MAST4: variants seen among roughly 807,000 people sequenced by gnomAD.
MAST4 encodes the protein microtubule associated serine/threonine kinase family member 4.
A neutral mutation model predicts 162.7 loss-of-function variants in MAST4; 89 were observed. The ratio of observed to expected loss-of-function variants is 0.55; its 90% CI spans 0.46 to 0.65. The LOEUF is 0.65. Among genes scored for constraint, MAST4 ranks in the 30% least tolerant of loss-of-function variants. The pLI is 0.00. For synonymous variants in MAST4, 1,479 were observed against 1,361.1 expected (o/e 1.09, Z -1.91); for missense variants, 3,153 against 3,374.0 (o/e 0.93, Z 1.62).
chr5:66,617,997 A>G (rs564393230), intron 1 of MAST4, among the ~76,000 whole-genome samples: 2 of 148,564 alleles, frequency 1.3e-5, no homozygotes, highest in Non-Finnish European at 3.0e-5. Flanking sequence ...GAGCTTTGAC[A>G]TCGTCTACAC....
intron 1 of MAST4, among the ~76,000 whole-genome samples, chr5:66,673,942 T>A (rs1357425266): frequency 6.6e-6 from 1 of 152,240 alleles, no homozygotes; most frequent in Non-Finnish European, 1.5e-5. Flanking sequence ...ATTTTTATGT[T>A]AGTTAAAAAT....
intron 4 of MAST4, among the ~76,000 whole-genome samples, chr5:67,044,605 C>G (rs1757148479): frequency 6.6e-6 from 1 of 152,132 alleles, no homozygotes; most frequent in Non-Finnish European, 1.5e-5. Flanking sequence ...ATCTCAAACT[C>G]TTAGGATCAA....
intron 4 of MAST4, among the ~76,000 whole-genome samples, chr5:67,009,601 G>C (rs916089598): frequency 1.3e-5 from 2 of 152,216 alleles, no homozygotes; most frequent in Non-Finnish European, 2.9e-5. Context: ...TGTGTAAAAT[G>C]CTTAATGAAA....
chr5:67,152,771 A>T lies in MAST4; in HGVS notation c.3430A>T (p.Ile1144Phe). The T allele has an allele frequency of 6.2e-7, 1 of 1,614,018 alleles. No individual in the cohort carries two copies. The highest frequency in any genetic ancestry group is 8.5e-7 in the Non-Finnish European group (1 of 1,179,882). ...TGCCAGTCCACATCAGCCGATTGTG[A>T]TCCACAGTTCGGGGAAGAACTACGG... ...ASASPHQPIV[I>F]HSSGKNYGFT... The change falls in exon 25 of 29, where the codon ATC (isoleucine) becomes TTC (phenylalanine). Residue 1144 changes from isoleucine to phenylalanine, a missense_variant. Physicochemically the swap from Ile to Phe is conservative, Grantham distance 21. Transcript: ENST00000403625.
chr5:66,942,638 T>C (rs537394884), intron 4 of MAST4, among the ~76,000 whole-genome samples: 20 of 152,262 alleles, frequency 1.3e-4, no homozygotes, highest in Non-Finnish European at 2.5e-4. Flanking sequence ...GATCTAAAGC[T>C]GTTTGATTAT....
Position 67,161,595 on chromosome 5 carries a change from A to G in MAST4, c.3785+1003A>G, listed in dbSNP as rs1237739252. Among the ~76,000 whole-genome samples the G allele has an allele frequency of 2.0e-5, 3 of 152,360 alleles. No homozygotes were observed. In the East Asian group the frequency reaches 5.8e-4, roughly 29 times the overall value. ...AAAAAATAGCAGTGTACAAACATTT[A>G]GCAATATGTAGACAAATGGGAGAAG... On this transcript the variant is annotated intron_variant, in intron 27 of 28. Coordinates refer to ENST00000403625, the MANE Select transcript of MAST4 (RefSeq NM_001164664.2).
chr5:66,605,551 A>G (rs1742829211), intron 1 of MAST4, among the ~76,000 whole-genome samples: 2 of 152,210 alleles, frequency 1.3e-5, no homozygotes, highest in South Asian at 2.1e-4. Context: ...TGTTCAAAAT[A>G]CTACATTGGT....
In MAST4 at chr5:67,054,436, G is replaced by A; in HGVS notation, c.707G>A (p.Gly236Asp). 1.2e-6 allele frequency: 2 copies of A among 1,609,604 alleles called. No homozygotes were observed. Among genetic ancestry groups the A allele is most frequent in the Non-Finnish European group, 1.7e-6 (2 of 1,178,038 alleles). Residue 236 changes from glycine to aspartate, a missense_variant, in exon 5 of 29, where the codon GGC becomes GAC. This residue lies in a region of MAST4 where 327 missense variants were observed against 336.5 expected (regional missense o/e 0.97). Coordinates refer to ENST00000403625, the MANE Select transcript of MAST4 (RefSeq NM_001164664.2). ...CRTSNRKSLI[G>D]NGQSPALPRP... is the part of the protein sequence containing the mutation. Reference sequence around the variant, plus strand: ...ACAAGCAACCGGAAAAGCTTAATAGGCAATGGGCAGTCACCAGCATTGCCT... The same window carrying A: ...ACAAGCAACCGGAAAAGCTTAATAGACAATGGGCAGTCACCAGCATTGCCT...
In MAST4 at chr5:66,676,133, C is replaced by T. The variant is rs1478971036; in HGVS notation, c.363+79115C>T. Among the ~76,000 whole-genome samples, 3 of 152,262 alleles carry T rather than the reference C, an allele frequency of 2.0e-5. No homozygotes were observed. The East Asian group carries it at 5.8e-4, about 29-fold the overall frequency. The stretch of plus-strand genomic sequence containing the variant: ...AGTGGATATAAAAGTTTGGCATGTG[C>T]AGGGCAATTAAAACAGTGAGTTGTT... On this transcript the variant is annotated intron_variant, in intron 1 of 28. Coordinates refer to ENST00000403625, the MANE Select transcript of MAST4 (RefSeq NM_001164664.2).
intron 5 of MAST4, among the ~76,000 whole-genome samples, chr5:67,062,215 C>T (rs763064885): frequency 2.4e-4 from 36 of 152,280 alleles, no homozygotes; most frequent in South Asian, 2.3e-3. Flanking sequence ...TCCTGGCCAA[C>T]ATGGTGAAAC....
At position 67,165,569 on chromosome 5, in the gene MAST4, C is replaced by T; in HGVS notation, c.6390C>T (p.Pro2130=). The T allele has an allele frequency of 1.9e-6, 3 of 1,613,932 alleles. No homozygotes were observed. The highest frequency in any genetic ancestry group is 2.5e-6 in the Non-Finnish European group (3 of 1,179,856). Residue 2130 remains proline (P), a synonymous_variant, in exon 29 of 29, where the codon CCC becomes CCT. Coordinates refer to ENST00000403625, the MANE Select transcript of MAST4 (RefSeq NM_001164664.2). ...ERKEQPLQRH[P]SSIPPPPLTA... ...AGGAGCAGCCTCTACAAAGGCATCCCAGCAGCATCCCTCCGCCCCCTCTGA... is the reference window on the plus strand; with the variant it reads ...AGGAGCAGCCTCTACAAAGGCATCCTAGCAGCATCCCTCCGCCCCCTCTGA...
At chr5:66,741,458 A>C (rs1325499414) in intron 1 of MAST4, among the ~76,000 whole-genome samples, 1 of 152,180 alleles carries the variant, frequency 6.6e-6, no homozygotes, top group Non-Finnish European at 1.5e-5. Context: ...TGTGGGCTAT[A>C]TGGTCTCTGT....
At chr5:66,891,930 G>C (rs188757107) in intron 3 of MAST4, among the ~76,000 whole-genome samples, 29 of 152,290 alleles carry the variant, frequency 1.9e-4, no homozygotes, top group Admixed American at 1.9e-3. Flanking sequence ...TTTCACCCAA[G>C]ACCCAGGTTC....
chr5:67,087,450 C>T (rs1051192531), intron 5 of MAST4, among the ~76,000 whole-genome samples: 1 of 152,190 alleles, frequency 6.6e-6, no homozygotes, highest in African/African-American at 2.4e-5. Flanking sequence ...TCTAACTAAT[C>T]AGTACCAATA....
intron 1 of MAST4, among the ~76,000 whole-genome samples, chr5:66,639,288 G>GTGTGTT (rs1745327719): frequency 6.6e-6 from 1 of 151,000 alleles, no homozygotes; most frequent in African/African-American, 2.5e-5. Context: ...TTGTGTGTGT[G>GTGTGTT]TGTGTGTGTG....
chr5:66,818,727 G>A (rs1453228290), intron 3 of MAST4, among the ~76,000 whole-genome samples: 1 of 152,210 alleles, frequency 6.6e-6, no homozygotes, highest in African/African-American at 2.4e-5. Flanking sequence ...CTGCAGTGGT[G>A]ATGAGAAGGA....
At chr5:66,858,713 C>A (rs1043349709) in intron 3 of MAST4, among the ~76,000 whole-genome samples, 2 of 152,102 alleles carry the variant, frequency 1.3e-5, no homozygotes, top group Non-Finnish European at 2.9e-5. Context: ...CAAAACATAT[C>A]TACTTATAAT....
At chr5:66,673,333 G>A (rs563768874) in intron 1 of MAST4, among the ~76,000 whole-genome samples, 1 of 151,456 alleles carries the variant, frequency 6.6e-6, no homozygotes, top group African/African-American at 2.4e-5. Context: ...GTTTTTTTGC[G>A]GATTCTTAGC....
At chr5:66,696,940 T>C (rs1561269172) in intron 1 of MAST4, among the ~76,000 whole-genome samples, 1 of 152,216 alleles carries the variant, frequency 6.6e-6, no homozygotes, top group Non-Finnish European at 1.5e-5. Flanking sequence ...TTATTGTATC[T>C]TAACCCTTGA....
Sources: gnomAD v4.1 joint callset for allele counts (sites outside exome capture counted in the v4.1 genomes callset) on GRCh38, gnomAD v4.1.1 for gene constraint, gnomAD v4.1.1 regional missense constraint, MANE v1.5 for transcripts, NCBI Gene and HGNC (gene_info 2026-07-23, HGNC 2026-07-21) for gene names.